The following ZNF804B variants were observed in gnomAD, a reference collection of about 807,000 sequenced individuals.
The protein encoded by ZNF804B is zinc finger protein 804B.
A neutral mutation model predicts 101.4 loss-of-function variants in ZNF804B; 80 were observed. That is an observed-to-expected ratio of 0.79 (90% CI 0.66 to 0.95). The LOEUF is 0.95. Ranked by LOEUF, ZNF804B falls within the 40% of genes least tolerant of loss-of-function variation. ZNF804B has a pLI of 0.00. For synonymous variants in ZNF804B, 622 were observed against 558.8 expected, an observed-to-expected ratio of 1.11 and a Z score of -1.59; for missense variants, 1,673 against 1,561.9, an observed-to-expected ratio of 1.07 and a Z score of -1.20.
intron 1 of ZNF804B, among the ~76,000 whole-genome samples, chr7:88,798,668 A>T (rs770510834): frequency 6.6e-6 from 1 of 152,068 alleles, no homozygotes; most frequent in Admixed American, 6.6e-5. Context: ...TCATTCATCA[A>T]TCACACTCTG....
At chr7:88,854,411 CTTCCTTTCTTT>C (rs1791502040) in intron 1 of ZNF804B, among the ~76,000 whole-genome samples, 1 of 141,528 alleles carries the variant, frequency 7.1e-6, no homozygotes, top group Non-Finnish European at 1.5e-5. Flanking sequence ...TTCTTTCTTT[CTTCCTTTCTTT>C]CTTTCTTTCT....
chr7:89,261,551 A>G (rs1391132135), intron 2 of ZNF804B, among the ~76,000 whole-genome samples: 1 of 152,178 alleles, frequency 6.6e-6, no homozygotes, highest in Non-Finnish European at 1.5e-5. Flanking sequence ...AAAGACATGC[A>G]TATGTTCTGA....
chr7:89,059,117 A>T (rs1789337853), intron 1 of ZNF804B, among the ~76,000 whole-genome samples: 1 of 152,148 alleles, frequency 6.6e-6, no homozygotes, highest in Non-Finnish European at 1.5e-5. Context: ...CAAAATCCTA[A>T]ATATAAATAT....
chr7:89,204,158 T>C (rs1478109082), intron 1 of ZNF804B, among the ~76,000 whole-genome samples: 1 of 152,236 alleles, frequency 6.6e-6, no homozygotes, highest in African/African-American at 2.4e-5. Flanking sequence ...ACGTTTTTCA[T>C]TGACTTTTCT....
intron 1 of ZNF804B, among the ~76,000 whole-genome samples, chr7:89,192,845 A>G (rs552700225): frequency 2.0e-5 from 3 of 152,278 alleles, no homozygotes; most frequent in Non-Finnish European, 4.4e-5. Context: ...GGTTAGTTCA[A>G]CATTCATAAA....
chr7:88,874,536 C>G (rs1009794765), intron 1 of ZNF804B, among the ~76,000 whole-genome samples: 1 of 151,942 alleles, frequency 6.6e-6, no homozygotes, highest in African/African-American at 2.4e-5. Context: ...AGAGAGCATC[C>G]CTGTCTTGTG....
At chr7:89,000,555 G>A (rs184639001) in intron 1 of ZNF804B, among the ~76,000 whole-genome samples, 1 of 151,756 alleles carries the variant, frequency 6.6e-6, no homozygotes, top group Non-Finnish European at 1.5e-5. Flanking sequence ...TACATGTTTT[G>A]CCTCACTGTG....
intron 1 of ZNF804B, among the ~76,000 whole-genome samples, chr7:89,002,441 G>A (rs1213548279): frequency 6.6e-6 from 1 of 151,706 alleles, no homozygotes; most frequent in Non-Finnish European, 1.5e-5. Context: ...TATTGACTAT[G>A]TTTAGGTCCT....
At chr7:89,050,360 A>G (rs1476584788) in intron 1 of ZNF804B, among the ~76,000 whole-genome samples, 1 of 152,140 alleles carries the variant, frequency 6.6e-6, no homozygotes, top group Admixed American at 6.5e-5. Flanking sequence ...ATCAATATTC[A>G]TGTGGTCTAA....
chr7:89,192,398 A>G (rs943306772), intron 1 of ZNF804B, among the ~76,000 whole-genome samples: 1 of 152,060 alleles, frequency 6.6e-6, no homozygotes, highest in African/African-American at 2.4e-5. Flanking sequence ...ATGTCCATAC[A>G]ATAGAATGCC....
intron 1 of ZNF804B, among the ~76,000 whole-genome samples, chr7:89,004,768 C>A (rs996604635): frequency 1.3e-5 from 2 of 151,720 alleles, no homozygotes; most frequent in African/African-American, 4.8e-5. Flanking sequence ...TATGGAATAT[C>A]AAAAAGGAAG....
At chr7:89,238,853 G>A (rs1424838789) in intron 2 of ZNF804B, among the ~76,000 whole-genome samples, 20 of 152,140 alleles carry the variant, frequency 1.3e-4, no homozygotes. Context: ...GTGTTGTTGA[G>A]GCTAGGTCAA....
intron 1 of ZNF804B, among the ~76,000 whole-genome samples, chr7:89,130,933 T>C (rs1790537467): frequency 6.6e-6 from 1 of 151,980 alleles, no homozygotes; most frequent in African/African-American, 2.4e-5. Flanking sequence ...ACGACCAAAG[T>C]TTATGAAATT....
At chr7:89,182,001 C>G (rs912497543) in intron 1 of ZNF804B, among the ~76,000 whole-genome samples, 1 of 152,180 alleles carries the variant, frequency 6.6e-6, no homozygotes, top group Non-Finnish European at 1.5e-5. Flanking sequence ...ATATTTCAAC[C>G]TGTAATCTTT....
intron 1 of ZNF804B, among the ~76,000 whole-genome samples, chr7:89,037,275 C>A (rs1006208641): frequency 2.6e-5 from 4 of 152,004 alleles, no homozygotes; most frequent in African/African-American, 4.8e-5. Context: ...TACAGACCAC[C>A]AACATGCTTA....
chr7:89,285,115 A>G (rs951597109), intron 2 of ZNF804B, among the ~76,000 whole-genome samples: 1 of 152,108 alleles, frequency 6.6e-6, no homozygotes, highest in African/African-American at 2.4e-5. Context: ...ACTATTTGGA[A>G]GGCTGAGGCA....
At chr7:89,268,681 G>C (rs553137028) in intron 2 of ZNF804B, among the ~76,000 whole-genome samples, 5 of 137,824 alleles carry the variant, frequency 3.6e-5, no homozygotes, top group African/African-American at 1.4e-4. Flanking sequence ...GTGAGTACCT[G>C]GCTTTAAAGC....
At chr7:89,193,762 A>G (rs1481026556) in intron 1 of ZNF804B, among the ~76,000 whole-genome samples, 1 of 151,940 alleles carries the variant, frequency 6.6e-6, no homozygotes, top group Non-Finnish European at 1.5e-5. Context: ...GAATAGTGCC[A>G]CAATAAACAT....
intron 1 of ZNF804B, among the ~76,000 whole-genome samples, chr7:88,911,883 T>C (rs1441427895): frequency 6.6e-6 from 1 of 151,916 alleles, no homozygotes; most frequent in East Asian, 1.9e-4. Flanking sequence ...ATTATATATA[T>C]GTTATATGTG....
Sources: allele counts gnomAD v4.1 joint callset (sites outside exome capture counted in the v4.1 genomes callset), GRCh38; gene constraint gnomAD v4.1.1; transcripts MANE v1.5; gene names NCBI Gene and HGNC (gene_info 2026-07-23, HGNC 2026-07-21).